SLC66A1: variants seen among roughly 807,000 people sequenced by gnomAD.
The protein encoded by SLC66A1 is solute carrier family 66 member 1, also known as lysosomal amino acid transporter 1 homolog.
SLC66A1 carries 23 observed loss-of-function variants against 33.0 expected under a neutral mutation model. The ratio of observed to expected loss-of-function variants is 0.70; its 90% CI spans 0.50 to 0.99. SLC66A1 has a LOEUF of 0.99. Ranked by LOEUF, SLC66A1 falls within the 50% of genes least tolerant of loss-of-function variation. The pLI, the probability that SLC66A1 is intolerant of heterozygous loss-of-function variation, is 0.00. For synonymous variants in SLC66A1, 164 were observed against 175.5 expected, an observed-to-expected ratio of 0.93 and a Z score of 0.52; for missense variants, 335 against 383.6, an observed-to-expected ratio of 0.87 and a Z score of 1.06.
At chr1:19,316,157 C>T (rs1202678942) in intron 1 of SLC66A1, among the ~76,000 whole-genome samples, 1 of 152,214 alleles carries the variant, frequency 6.6e-6, no homozygotes, top group Non-Finnish European at 1.5e-5. Flanking sequence ...CAGCCATATT[C>T]TGGCTTTGTC....
At chr1:19,319,605 G>GTTTTTTTTTTTTTTTTTTTTTTTT (rs569177720) in intron 2 of SLC66A1, among the ~76,000 whole-genome samples, 4 of 111,858 alleles carry the variant, frequency 3.6e-5, no homozygotes, top group Admixed American at 9.4e-5. Context: ...GCACATTCAT[G>GTTTTTTTTTTTTTTTTTTTTTTTT]TTTTTTTTTT....
At position 19,312,670 on chromosome 1, in the gene SLC66A1, G is replaced by A. The variant is rs754139057; in HGVS notation, c.-298G>A. 6 of 152,742 alleles carry A rather than the reference G, an allele frequency of 3.9e-5. No individual in the cohort carries two copies. Among genetic ancestry groups the A allele is most frequent in the Non-Finnish European group, 7.3e-5 (5 of 68,156 alleles). 9.5% of individuals were successfully genotyped at this position (152,742 alleles called of 1,614,324 possible). A position where few individuals can be genotyped will look rare whatever the true frequency, so the allele number is the denominator to read the frequency against. ...GCTTCGTTTTTCCCGGGCCGGCCGG[G>A]CGAGGGGCCCTCGCGGCGCTGGCCC... On this transcript the variant is annotated 5_prime_UTR_variant, in exon 1 of 8. Coordinates refer to ENST00000375153, the MANE Select transcript of SLC66A1 (RefSeq NM_001040125.2).
In SLC66A1 at chr1:19,325,641, G is replaced by A. The variant is rs61077276; in HGVS notation, c.382+59G>A. The A allele has an allele frequency of 1.9e-4, 202 of 1,058,836 alleles. 5 individuals carry two copies. Among genetic ancestry groups the A allele is most frequent in the Non-Finnish European group, 2.5e-4 (183 of 720,382 alleles). 65.6% of individuals were successfully genotyped at this position (1,058,836 alleles called of 1,614,324 possible). A position where few individuals can be genotyped will look rare whatever the true frequency, so the allele number is the denominator to read the frequency against. ...TACCAGCAGCAGGGGGCAGTTGTGGGGGGGGGCGCCTGGAGTGTGGGAGGA... is the reference window on the plus strand; with the variant it reads ...TACCAGCAGCAGGGGGCAGTTGTGGAGGGGGGCGCCTGGAGTGTGGGAGGA... On this transcript the variant is annotated intron_variant, in intron 4 of 7. Transcript: ENST00000375153.
At chr1:19,319,604 T>C (rs527623355) in intron 2 of SLC66A1, among the ~76,000 whole-genome samples, 70 of 124,898 alleles carry the variant, frequency 5.6e-4, no homozygotes, top group African/African-American at 2.2e-3. Context: ...TGCACATTCA[T>C]GTTTTTTTTT....
At chr1:19,330,733 A>G (rs949420071), downstream of SLC66A1, among the ~76,000 whole-genome samples, 6 of 152,182 alleles carry the variant, frequency 3.9e-5, no homozygotes, top group Admixed American at 3.9e-4. Context: ...TGCCAAGGAC[A>G]AGGTCCTGGG....
chr1:19,315,275 C>A (rs1368391726), intron 1 of SLC66A1, among the ~76,000 whole-genome samples: 1 of 152,208 alleles, frequency 6.6e-6, no homozygotes, highest in African/African-American at 2.4e-5. Context: ...CAGGTGAAGG[C>A]TTCCAACATC....
chr1:19,320,424 T>TC (rs1176151747), intron 2 of SLC66A1, among the ~76,000 whole-genome samples: 1 of 145,464 alleles, frequency 6.9e-6, no homozygotes, highest in Non-Finnish European at 1.5e-5. Context: ...TTTTTTTTTT[T>TC]TTTTTTTTTT....
At chr1:19,325,251 C>T (rs1016889452) in intron 3 of SLC66A1, among the ~76,000 whole-genome samples, 2 of 152,188 alleles carry the variant, frequency 1.3e-5, no homozygotes, top group Non-Finnish European at 2.9e-5. Context: ...TGACTGCTAG[C>T]GCTGACCACC....
intron 2 of SLC66A1, among the ~76,000 whole-genome samples, chr1:19,319,515 A>G (rs1293890859): frequency 2.0e-5 from 3 of 151,562 alleles, no homozygotes; most frequent in Non-Finnish European, 1.5e-5. Flanking sequence ...CTCTGTGTAT[A>G]GCACATTTGG....
intron 1 of SLC66A1, among the ~76,000 whole-genome samples, chr1:19,314,786 A>T (rs943585113): frequency 6.6e-6 from 1 of 152,186 alleles, no homozygotes; most frequent in Non-Finnish European, 1.5e-5. Flanking sequence ...AGACTCTGCA[A>T]GGGGGTGTGG....
At chr1:19,321,937 C>T (rs756546506) in intron 2 of SLC66A1, among the ~76,000 whole-genome samples, 4 of 152,218 alleles carry the variant, frequency 2.6e-5, no homozygotes, top group Non-Finnish European at 5.9e-5. Context: ...GGCACCCTAT[C>T]AGAGGCTTGA....
downstream of SLC66A1, among the ~76,000 whole-genome samples, chr1:19,330,041 C>T (rs1326495387): frequency 2.0e-5 from 3 of 152,198 alleles, no homozygotes; most frequent in Non-Finnish European, 4.4e-5. Flanking sequence ...GATCATAGCT[C>T]ACTGCAGCCT....
intron 2 of SLC66A1, among the ~76,000 whole-genome samples, chr1:19,319,603 A>ATTTT (rs1472435408): frequency 7.8e-5 from 4 of 51,066 alleles, no homozygotes; most frequent in South Asian, 7.4e-4. Flanking sequence ...GTGCACATTC[A>ATTTT]TGTTTTTTTT....
At chr1:19,317,999 C>T (rs1489419596) in intron 2 of SLC66A1, among the ~76,000 whole-genome samples, 158 bp downstream of exon 2, 1 of 152,152 alleles carries the variant, frequency 6.6e-6, no homozygotes, top group Non-Finnish European at 1.5e-5. Context: ...TGATTGCTAC[C>T]GCAGGTCAGA....
chr1:19,325,639 G>GC (rs1553263044), intron 4 of SLC66A1, 57 bp downstream of exon 4: 2 of 1,087,664 alleles, frequency 1.8e-6, no homozygotes. Flanking sequence ...GGGCAGTTGT[G>GC]GGGGGGGGCG....
At chr1:19,313,466 C>T (rs184828481) in intron 1 of SLC66A1, among the ~76,000 whole-genome samples, 3 of 152,262 alleles carry the variant, frequency 2.0e-5, no homozygotes, top group East Asian at 1.9e-4. Context: ...GGGGAGAGTA[C>T]GTTTCAAAGA....
chr1:19,326,747 G>A (rs1052736314), intron 6 of SLC66A1, 124 bp downstream of exon 6: 16 of 1,050,046 alleles, frequency 1.5e-5, no homozygotes, highest in African/African-American at 1.6e-5. Context: ...GTCTACTCCC[G>A]CTGTTGGCTT....
chr1:19,327,146 C>A, intron 6 of SLC66A1, 81 bp from the exon 7 acceptor site: 1 of 1,350,950 alleles, frequency 7.4e-7, no homozygotes, highest in Non-Finnish European at 1.0e-6. Context: ...TGTGGTGGGG[C>A]AGGTGGACAT....
chr1:19,317,978 G>C (rs2093814859), intron 2 of SLC66A1, 137 bp downstream of exon 2: 4 of 1,344,834 alleles, frequency 3.0e-6, no homozygotes, highest in Non-Finnish European at 4.1e-6. Context: ...TCCCTCGACA[G>C]GGACCTGCAC....
Sources: allele counts gnomAD v4.1 joint callset (sites outside exome capture counted in the v4.1 genomes callset), GRCh38; gene constraint gnomAD v4.1.1; transcripts MANE v1.5; gene names NCBI Gene and HGNC (gene_info 2026-07-23, HGNC 2026-07-21).